Variants in NBAS observed in about 807,000 individuals in gnomAD.
NBAS encodes the protein NBAS subunit of NRZ tethering complex.
Under a neutral mutation model 302.5 loss-of-function variants are expected in NBAS, and 219 were observed. That is an observed-to-expected ratio of 0.72 (90% CI 0.65 to 0.81). The LOEUF is 0.81. Among genes scored for constraint, NBAS ranks in the 30% least tolerant of loss-of-function variants. The pLI, the probability that NBAS is intolerant of heterozygous loss-of-function variation, is 0.00. For missense variants in NBAS, 2,932 were observed against 2,841.6 expected (o/e 1.03, Z -0.72); for synonymous variants, 1,118 against 1,021.6 (o/e 1.09, Z -1.80).
chr2:15,107,631 C>A, the NBAS span, among the ~76,000 whole-genome samples: 2 of 152,088 alleles, frequency 1.3e-5, no homozygotes, highest in African/African-American at 4.8e-5. Flanking sequence ...ATTCATTGAC[C>A]ACCTACTATG....
chr2:15,024,223 A>AC, the NBAS span, among the ~76,000 whole-genome samples: 38 of 58,802 alleles, frequency 6.5e-4, no homozygotes, highest in African/African-American at 2.3e-3. Context: ...AACATGCAGT[A>AC]TTGGTTTTCT....
the NBAS span, among the ~76,000 whole-genome samples, chr2:14,925,799 T>G: frequency 2.6e-5 from 4 of 152,342 alleles, no homozygotes; most frequent in Non-Finnish European, 4.4e-5. Flanking sequence ...ATGCAAGAAC[T>G]GTGACTTATT....
chr2:15,096,488 T>C, the NBAS span, among the ~76,000 whole-genome samples: 3 of 152,192 alleles, frequency 2.0e-5, no homozygotes. Context: ...CAGCAAGACC[T>C]TTGGTGTTTC....
Position 15,551,573 on chromosome 2 carries a change from G to GT in NBAS, c.336-38dup, listed in dbSNP as rs1558432975. 3.3e-6 allele frequency: 5 copies of GT among 1,530,010 alleles called. No individual in the cohort carries two copies. In the South Asian group the frequency reaches 5.8e-5, roughly 18 times the overall value. 94.8% of individuals were successfully genotyped at this position (1,530,010 alleles called of 1,614,324 possible). ...GCAAAATCAAGGCAAAAGTTTTATC[G>GT]TAACACTGTATAGAACCATAAAATA... On this transcript the variant is annotated intron_variant, in intron 5 of 51. Transcript: ENST00000281513.
chr2:15,475,703 C>T lies in NBAS; in HGVS notation c.1325G>A (p.Gly442Glu). The change falls in exon 14 of 52, where the codon GGA becomes GAA. Residue 442 changes from glycine (G) to glutamate (E), a missense_variant. Transcript: ENST00000281513. ...AAGCCTTACCTCCAAACTTAAAAATCCCCCATCATGGGTAGCAGTGACTTG... is the reference window on the plus strand; with the variant it reads ...AAGCCTTACCTCCAAACTTAAAAATTCCCCATCATGGGTAGCAGTGACTTG... ...SPQVTATHDG[G>E]FLSLECEIKL... 1 of 1,614,016 alleles carries T rather than the reference C, an allele frequency of 6.2e-7. No homozygotes were observed. Among genetic ancestry groups the T allele is most frequent in the Non-Finnish European group, 8.5e-7 (1 of 1,179,954 alleles).
At chr2:15,103,951 C>A in the NBAS span, among the ~76,000 whole-genome samples, 5 of 152,138 alleles carry the variant, frequency 3.3e-5, no homozygotes, top group Non-Finnish European at 5.9e-5. Context: ...TCTATCTCTT[C>A]CACTGGATAC....
intron 42 of NBAS, among the ~76,000 whole-genome samples, chr2:15,281,089 A>G (rs930742801): frequency 6.6e-6 from 1 of 152,190 alleles, no homozygotes; most frequent in Non-Finnish European, 1.5e-5. Flanking sequence ...ATCAATAAAG[A>G]GTGTCTTAGA....
intron 35 of NBAS, among the ~76,000 whole-genome samples, chr2:15,335,009 T>G (rs1343860405): frequency 6.6e-6 from 1 of 152,176 alleles, no homozygotes; most frequent in Non-Finnish European, 1.5e-5. Context: ...TCTTTTGTTC[T>G]GATTTCTTTC....
At chr2:15,350,131 G>A (rs1673280569) in intron 35 of NBAS, among the ~76,000 whole-genome samples, 1 of 152,058 alleles carries the variant, frequency 6.6e-6, no homozygotes, top group African/African-American at 2.4e-5. Context: ...TGAGAATGGG[G>A]TAGTTGCATA....
At chr2:15,396,301 A>G in intron 27 of NBAS, 112 bp downstream of exon 27, 1 of 832,724 alleles carries the variant, frequency 1.2e-6, no homozygotes, top group Non-Finnish European at 1.9e-6. Context: ...ACAATCAAAC[A>G]AAAATGAGGT....
Position 15,366,619 on chromosome 2 carries a change from T to C in NBAS, c.3778A>G (p.Thr1260Ala). Residue 1260 changes from threonine (T) to alanine (A), a missense_variant, in exon 32 of 52, where the codon ACC becomes GCC. Thr to Ala is a moderately conservative substitution (Grantham distance 58, BLOSUM62 0). Coordinates refer to ENST00000281513, the MANE Select transcript of NBAS (RefSeq NM_015909.4). ...AGCTCAGCAAGGCCCAGAAGCTTGG[T>C]GGATTGTTTATAGCATGTGGGGGAC... ...SQSPTCYKQS[T>A]KLLGLAELLR... 1 of 1,614,082 alleles carries C rather than the reference T, an allele frequency of 6.2e-7. No homozygotes were observed. The highest frequency in any genetic ancestry group is 8.5e-7 in the Non-Finnish European group (1 of 1,179,982).
chr2:15,259,929 T>A (rs1196945563), intron 44 of NBAS, among the ~76,000 whole-genome samples: 1 of 140,452 alleles, frequency 7.1e-6, no homozygotes, highest in African/African-American at 2.9e-5. Flanking sequence ...AATCTGTCTT[T>A]ACTGCCTTTA....
chr2:14,876,297 G>GATTA, the NBAS span, among the ~76,000 whole-genome samples: 3 of 152,220 alleles, frequency 2.0e-5, no homozygotes, highest in South Asian at 6.2e-4. Context: ...TTGTGGAAAA[G>GATTA]ACAACCAAGT....
At chr2:15,421,896 C>T (rs1677232252) in intron 23 of NBAS, among the ~76,000 whole-genome samples, 1 of 152,108 alleles carries the variant, frequency 6.6e-6, no homozygotes, top group African/African-American at 2.4e-5. Context: ...ATATCTCCTG[C>T]CCCACCCTCC....
chr2:15,223,081 G>A (rs540260828), intron 47 of NBAS, among the ~76,000 whole-genome samples: 6 of 152,170 alleles, frequency 3.9e-5, no homozygotes, highest in South Asian at 2.1e-4. Context: ...TCAAGAAAAC[G>A]ACACAGAAAT....
chr2:15,441,844 A>T (rs951967199), intron 21 of NBAS, among the ~76,000 whole-genome samples: 1 of 151,978 alleles, frequency 6.6e-6, no homozygotes, highest in Admixed American at 6.6e-5. Context: ...AAAAAAAGGC[A>T]GGGGTTGCAA....
chr2:15,111,899 ATATAT>A, the NBAS span, among the ~76,000 whole-genome samples: 13 of 147,730 alleles, frequency 8.8e-5, no homozygotes, highest in Middle Eastern at 3.6e-3. Flanking sequence ...ATTAAATATT[ATATAT>A]TATATTAATT....
chr2:15,193,539 T>C (rs2125147023), intron 48 of NBAS, among the ~76,000 whole-genome samples: 1 of 152,278 alleles, frequency 6.6e-6, no homozygotes, highest in Non-Finnish European at 1.5e-5. Flanking sequence ...TATTAAAATA[T>C]CTAAAAAACG....
At chr2:15,008,422 A>G in the NBAS span, among the ~76,000 whole-genome samples, 1 of 152,232 alleles carries the variant, frequency 6.6e-6, no homozygotes, top group African/African-American at 2.4e-5. Context: ...AGTCTGTGAC[A>G]TAACCTCTCA....
Sources: gnomAD v4.1 joint callset for allele counts (sites outside exome capture counted in the v4.1 genomes callset) on GRCh38, gnomAD v4.1.1 for gene constraint, MANE v1.5 for transcripts, NCBI Gene and HGNC (gene_info 2026-07-23, HGNC 2026-07-21) for gene names.